SARS1: variants seen among roughly 807,000 people sequenced by gnomAD.
SARS1 encodes the protein seryl-tRNA synthetase 1, also known as serine--tRNA ligase, cytoplasmic.
A neutral mutation model predicts 63.7 loss-of-function variants in SARS1; 25 were observed. That is an observed-to-expected ratio of 0.39 (90% CI 0.29 to 0.55). The LOEUF is 0.55. SARS1 is among the 20% of genes least tolerant of loss of function. The pLI is 0.62. For synonymous variants in SARS1, 231 were observed against 243.5 expected (o/e 0.95, Z 0.48); for missense variants, 417 against 649.7 (o/e 0.64, Z 3.89).
intron 1 of SARS1, chr1:109,216,122 G>A (rs1196994384): frequency 1.0e-6 from 1 of 985,328 alleles, no homozygotes; most frequent in African/African-American, 1.7e-5. Flanking sequence ...AACTGCCCAA[G>A]GTAGACACTG....
In SARS1 at chr1:109,237,122, C is replaced by G; in HGVS notation, c.1258-122C>G. The G allele has an allele frequency of 6.9e-7, 1 of 1,443,774 alleles. No individual in the cohort carries two copies. 89.4% of individuals were successfully genotyped at this position (1,443,774 alleles called of 1,614,324 possible). A position where few individuals can be genotyped will look rare whatever the true frequency, so the allele number is the denominator to read the frequency against. On this transcript the variant is annotated intron_variant, in intron 9 of 10. Transcript: ENST00000234677. This position sits in a 1 kb window ranked among gnomAD's most constrained non-coding sequence, Gnocchi z 4.1. ...AGAAAAAAGTTGCTAAGGGGTAGAA[C>G]CCATCATTTTGATTTGGACAGTTGT...
At chr1:109,224,399 TAC>T (rs1180063516) in intron 2 of SARS1, among the ~76,000 whole-genome samples, 1 of 152,232 alleles carries the variant, frequency 6.6e-6, no homozygotes, top group African/African-American at 2.4e-5. Context: ...TAATGAAAAC[TAC>T]AGATTCAGAG....
chr1:109,215,449 T>G, intron 1 of SARS1: 1 of 985,388 alleles, frequency 1.0e-6, no homozygotes, highest in Non-Finnish European at 1.2e-6. Flanking sequence ...AGATAGGTGG[T>G]GAGTTCTTCA....
intron 2 of SARS1, 42 bp downstream of exon 2, chr1:109,224,090 G>T (rs775678442): frequency 1.4e-6 from 2 of 1,409,094 alleles, no homozygotes; most frequent in South Asian, 2.3e-5. Context: ...AACTTGAGCG[G>T]AGATATTTGA....
At chr1:109,229,016 T>A (rs1655148294) in intron 3 of SARS1, among the ~76,000 whole-genome samples, 1 of 152,120 alleles carries the variant, frequency 6.6e-6, no homozygotes, top group African/African-American at 2.4e-5. Context: ...CCTAATAAAT[T>A]TATAATCTTC....
Position 109,237,090 on chromosome 1 carries a change from C to A in SARS1, c.1258-154C>A. ...AATAGGCAATAAATACCAAATAATT[C>A]AAATTTAGAAAAAAGTTGCTAAGGG... On this transcript the variant is annotated intron_variant, in intron 9 of 10. Coordinates refer to ENST00000234677, the MANE Select transcript of SARS1 (RefSeq NM_006513.4). The surrounding 1 kb of genome is among the most constrained non-coding windows in gnomAD (Gnocchi z 4.1). 1 of 1,291,544 alleles carries A rather than the reference C, an allele frequency of 7.7e-7. No homozygotes were observed. The highest frequency in any genetic ancestry group is 1.0e-6 in the Non-Finnish European group (1 of 953,386). The allele number at this position is 1,291,544 out of a possible 1,614,324, so 80.0% of individuals were successfully genotyped here. A position where few individuals can be genotyped will look rare whatever the true frequency, so the allele number is the denominator to read the frequency against.
At chr1:109,219,198 G>A (rs1282801378) in intron 1 of SARS1, among the ~76,000 whole-genome samples, 4 of 140,060 alleles carry the variant, frequency 2.9e-5, no homozygotes, top group South Asian at 2.4e-4. Context: ...CCCAGGAGGC[G>A]GAGCTTGCAG....
chr1:109,226,701 C>CATATATATATATATATAT (rs61204287), intron 2 of SARS1, among the ~76,000 whole-genome samples: 13,968 of 69,526 alleles, frequency 0.2, 1,628 homozygotes, highest in Non-Finnish European at 0.23. Context: ...TATATATACA[C>CATATATATATATATATAT]ACACACACAC....
chr1:109,236,987 A>G, intron 9 of SARS1: 16 of 1,350,872 alleles, frequency 1.2e-5, no homozygotes, highest in Non-Finnish European at 8.6e-6. Flanking sequence ...TCCTTCCCTC[A>G]AAGGGCCCAA....
chr1:109,237,309 G>C lies in SARS1; in HGVS notation c.1323G>C (p.Leu441=). The part of the protein sequence containing the change: ...CATTRTICAI[L]ENYQTEKGIT... The stretch of plus-strand genomic sequence containing the variant: ...CTACCCGTACCATCTGCGCCATCCT[G>C]GAGAACTACCAGACAGAGAAGGGCA... Residue 441 remains leucine (L), a synonymous_variant, in exon 10 of 11, where the codon CTG becomes CTC. Coordinates refer to ENST00000234677, the MANE Select transcript of SARS1 (RefSeq NM_006513.4). This position sits in a 1 kb window ranked among gnomAD's most constrained non-coding sequence, Gnocchi z 4.1. The C allele has an allele frequency of 6.2e-7, 1 of 1,614,176 alleles. No homozygotes were observed. The highest frequency in any genetic ancestry group is 8.5e-7 in the Non-Finnish European group (1 of 1,180,030).
chr1:109,232,146 G>A (rs1655224363), intron 6 of SARS1, among the ~76,000 whole-genome samples: 1 of 152,114 alleles, frequency 6.6e-6, no homozygotes, highest in Admixed American at 6.6e-5. Context: ...TACAGTGGTG[G>A]CACTGATCTC....
At chr1:109,221,960 T>TTTTTTTTTTGTGTG (rs771565091) in intron 1 of SARS1, among the ~76,000 whole-genome samples, 1 of 10,060 alleles carries the variant, frequency 9.9e-5, no homozygotes, top group African/African-American at 1.5e-4. Flanking sequence ...GCTAATTTTT[T>TTTTTTTTTTGTGTG]TGTGTGTGTG....
intron 6 of SARS1, among the ~76,000 whole-genome samples, chr1:109,233,754 T>C (rs903116866): frequency 2.0e-5 from 3 of 151,846 alleles, no homozygotes; most frequent in African/African-American, 7.3e-5. Context: ...TGGAGTGCAG[T>C]GGCACGATCT....
At chr1:109,226,157 T>A (rs1182357571) in intron 2 of SARS1, among the ~76,000 whole-genome samples, 1 of 149,448 alleles carries the variant, frequency 6.7e-6, no homozygotes, top group Non-Finnish European at 1.5e-5. Context: ...TTTTTTTTTT[T>A]TTTTTTTGTT....
Position 109,228,424 on chromosome 1 carries a change from G to A in SARS1, c.280G>A (p.Ala94Thr), listed in dbSNP as rs749398091. 32 of 1,608,268 alleles carry A rather than the reference G, an allele frequency of 2.0e-5. 1 individual carries two copies. The Admixed American group carries it at 4.2e-4, about 21-fold the overall frequency. The change falls in exon 3 of 11, where the codon GCT becomes ACT. Residue 94 changes from alanine (A) to threonine (T), a missense_variant. Transcript: ENST00000234677. ...GAGTTTCGATGACCTTACTGCAGAC[G>A]CTTTAGCTGTAAGTTATAGTTCTTT... ...VLSFDDLTAD[A>T]LANLKVSQIK...
At chr1:109,222,512 C>G (rs1156538089) in intron 1 of SARS1, among the ~76,000 whole-genome samples, 4 of 152,128 alleles carry the variant, frequency 2.6e-5, no homozygotes, top group Non-Finnish European at 1.5e-5. Flanking sequence ...CTCCCTTTGC[C>G]CTCCATCTCA....
intron 4 of SARS1, among the ~76,000 whole-genome samples, chr1:109,230,111 C>A (rs557168373): frequency 6.6e-6 from 1 of 152,068 alleles, no homozygotes; most frequent in African/African-American, 2.4e-5. Flanking sequence ...GACCACGAGA[C>A]GACTCTGGAG....
In SARS1 at chr1:109,214,008, G is replaced by A; in HGVS notation, c.16G>A (p.Asp6Asn). Residue 6 changes from aspartate to asparagine, a missense_variant, in exon 1 of 11, where the codon GAT becomes AAT. Around this residue, in one of 3 missense-constraint regions of SARS1, gnomAD observed 359 missense variants for 529.6 expected, o/e 0.68. Transcript: ENST00000234677. This position sits in a 1 kb window ranked among gnomAD's most constrained non-coding sequence, Gnocchi z 4.6. MVLDLDLFRVDKGGDP... is the reference protein window; with the variant it reads MVLDLNLFRVDKGGDP... Reference sequence around the variant, plus strand: ...AGGAAAGAAGATGGTGCTGGATCTGGATTTGTTTCGGGTGGATAAAGGAGG... The same window carrying A: ...AGGAAAGAAGATGGTGCTGGATCTGAATTTGTTTCGGGTGGATAAAGGAGG... 6.2e-7 allele frequency: 1 copy of A among 1,613,260 alleles called. No homozygotes were observed. The highest frequency in any genetic ancestry group is 8.5e-7 in the Non-Finnish European group (1 of 1,179,664).
At chr1:109,231,180 T>TTG (rs1655204036) in intron 5 of SARS1, 159 bp downstream of exon 5, 2 of 386,066 alleles carry the variant, frequency 5.2e-6, no homozygotes, top group Admixed American at 9.7e-5. Flanking sequence ...GGCAATTAGA[T>TTG]GCAATTCTCT....
Sources: allele counts gnomAD v4.1 joint callset (sites outside exome capture counted in the v4.1 genomes callset), GRCh38; gene constraint gnomAD v4.1.1; regional missense constraint gnomAD v4.1.1; non-coding constraint Gnocchi (gnomAD v3.1); transcripts MANE v1.5; gene names NCBI Gene and HGNC (gene_info 2026-07-23, HGNC 2026-07-21).